MEIS1: variants seen among roughly 807,000 people sequenced by gnomAD.
MEIS1 encodes homeobox protein Meis1.
MEIS1 carries 5 observed loss-of-function variants against 50.8 expected under a neutral mutation model. The observed-to-expected ratio is 0.10, with a 90% confidence interval of 0.05 to 0.21. The LOEUF is 0.21. Among genes scored for constraint, MEIS1 ranks in the 10% least tolerant of loss-of-function variants. The pLI is 1.00. For synonymous variants in MEIS1, 176 were observed against 179.3 expected (o/e 0.98, Z 0.15); for missense variants, 318 against 517.3 (o/e 0.61, Z 3.74).
At chr2:66,452,918 G>T (rs1672307675) in intron 6 of MEIS1, among the ~76,000 whole-genome samples, 1 of 151,910 alleles carries the variant, frequency 6.6e-6, no homozygotes. Context: ...GAATATGCTT[G>T]TTCTGTGCAT....
At chr2:66,537,429 T>C (rs1281141124) in intron 8 of MEIS1, among the ~76,000 whole-genome samples, 1 of 152,194 alleles carries the variant, frequency 6.6e-6, no homozygotes, top group East Asian at 1.9e-4. Flanking sequence ...TCTAATGAGA[T>C]GAGGCTACAT....
chr2:66,440,258 C>T, intron 3 of MEIS1: 1 of 591,350 alleles, frequency 1.7e-6, no homozygotes, highest in South Asian at 2.1e-5. Context: ...GCTCACTCTG[C>T]AGAATAAAAT....
intron 6 of MEIS1, among the ~76,000 whole-genome samples, chr2:66,458,872 T>G (rs1672455726): frequency 6.6e-6 from 1 of 152,252 alleles, no homozygotes; most frequent in Non-Finnish European, 1.5e-5. Flanking sequence ...GGTGACAATT[T>G]AACAAAGATT....
In MEIS1 at chr2:66,503,976, A is replaced by C. The variant is rs573088094; in HGVS notation, c.743-8173A>C. Among the ~76,000 whole-genome samples, 128 of 151,810 alleles carry C rather than the reference A, an allele frequency of 8.4e-4. 1 individual carries two copies. Among genetic ancestry groups the C allele is most frequent in the African/African-American group, 3.0e-3 (124 of 41,426 alleles). On this transcript the variant is annotated intron_variant, in intron 7 of 12. Coordinates refer to ENST00000272369, the MANE Select transcript of MEIS1 (RefSeq NM_002398.3). The stretch of plus-strand genomic sequence containing the variant: ...TAGCCAGGATGGTCTCGATCTCCTG[A>C]CCTCATGATCCACCTGCCTCGGCCT...
intron 8 of MEIS1, among the ~76,000 whole-genome samples, chr2:66,523,680 A>G (rs1354401111): frequency 6.6e-6 from 1 of 152,226 alleles, no homozygotes; most frequent in Non-Finnish European, 1.5e-5. Flanking sequence ...AAAAATCTGT[A>G]AAGTAGCATT....
chr2:66,437,066 C>G, intron 1 of MEIS1: 2 of 581,930 alleles, frequency 3.4e-6, no homozygotes, highest in Non-Finnish European at 4.3e-6. Context: ...GGGGAATTGC[C>G]CAATTCTAAA....
chr2:66,564,332 C>G (rs1423128596), intron 9 of MEIS1, among the ~76,000 whole-genome samples: 4 of 152,166 alleles, frequency 2.6e-5, no homozygotes, highest in South Asian at 2.1e-4. Context: ...CAAATAACAT[C>G]TAGTACCTGT....
At chr2:66,498,857 A>C (rs566769689) in intron 7 of MEIS1, among the ~76,000 whole-genome samples, 1 of 152,346 alleles carries the variant, frequency 6.6e-6, no homozygotes, top group African/African-American at 2.4e-5. Flanking sequence ...TTAGGAATGC[A>C]GAATCTCAAG....
At chr2:66,475,530 A>T (rs868733706) in intron 7 of MEIS1, among the ~76,000 whole-genome samples, 11 of 152,250 alleles carry the variant, frequency 7.2e-5, no homozygotes, top group Middle Eastern at 3.4e-3. Flanking sequence ...ATAAATTATA[A>T]GATCATGTAC....
chr2:66,473,141 C>T (rs1338606118), intron 7 of MEIS1, among the ~76,000 whole-genome samples: 4 of 151,456 alleles, frequency 2.6e-5, no homozygotes, highest in East Asian at 3.9e-4. Context: ...CACTTTGGGA[C>T]GCCAAGGTGG....
intron 8 of MEIS1, among the ~76,000 whole-genome samples, chr2:66,536,970 T>C (rs1674536451): frequency 6.6e-6 from 1 of 152,236 alleles, no homozygotes; most frequent in Non-Finnish European, 1.5e-5. Flanking sequence ...TACCATTACA[T>C]TCCATTATTT....
chr2:66,510,185 T>C (rs1673791653), intron 7 of MEIS1, among the ~76,000 whole-genome samples: 2 of 152,216 alleles, frequency 1.3e-5, no homozygotes, highest in African/African-American at 2.4e-5. Context: ...TTATTTTATA[T>C]GGTAAACTGC....
At chr2:66,527,322 A>G (rs565953315) in intron 8 of MEIS1, among the ~76,000 whole-genome samples, 3 of 152,162 alleles carry the variant, frequency 2.0e-5, no homozygotes, top group East Asian at 3.9e-4. Context: ...ATAAATTTCA[A>G]CTTCCTGGAG....
At chr2:66,470,722 T>G (rs1672743983) in intron 7 of MEIS1, among the ~76,000 whole-genome samples, 1 of 152,212 alleles carries the variant, frequency 6.6e-6, no homozygotes, top group African/African-American at 2.4e-5. Flanking sequence ...GAAAAGTGCA[T>G]TTGAAATTAT....
At chr2:66,544,864 CA>C in intron 8 of MEIS1, among the ~76,000 whole-genome samples, 1 of 152,178 alleles carries the variant, frequency 6.6e-6, no homozygotes, top group Middle Eastern at 3.4e-3. Context: ...TGTGAAGAAA[CA>C]ACTGAAATTT....
chr2:66,544,528 C>T (rs1674741448), intron 8 of MEIS1, among the ~76,000 whole-genome samples: 1 of 152,054 alleles, frequency 6.6e-6, no homozygotes, highest in South Asian at 2.1e-4. Context: ...ATTCAGTTGA[C>T]CTACCATAGA....
intron 8 of MEIS1, among the ~76,000 whole-genome samples, chr2:66,516,604 TGC>T (rs373819905): frequency 6.7e-6 from 1 of 148,942 alleles, no homozygotes; most frequent in African/African-American, 2.5e-5. Context: ...TGTGTGTGTG[TGC>T]GGCCAAATTT....
chr2:66,538,877 G>T (rs1558555938), intron 8 of MEIS1, among the ~76,000 whole-genome samples: 1 of 151,452 alleles, frequency 6.6e-6, no homozygotes, highest in Non-Finnish European at 1.5e-5. Context: ...CCTTAAAAGA[G>T]TTTTTTTTTT....
At chr2:66,565,714 T>G (rs1452285833) in intron 9 of MEIS1, among the ~76,000 whole-genome samples, 1 of 152,106 alleles carries the variant, frequency 6.6e-6, no homozygotes, top group Admixed American at 6.6e-5. Flanking sequence ...TTTTAAAAAG[T>G]CTGGAAAAAG....
Sources: gnomAD v4.1 joint callset for allele counts (sites outside exome capture counted in the v4.1 genomes callset) on GRCh38, gnomAD v4.1.1 for gene constraint, MANE v1.5 for transcripts, NCBI Gene and HGNC (gene_info 2026-07-23, HGNC 2026-07-21) for gene names.